DLGAP4: variants seen among roughly 807,000 people sequenced by gnomAD.
DLGAP4 encodes DLG associated protein 4.
A neutral mutation model predicts 86.9 loss-of-function variants in DLGAP4; 18 were observed. The observed-to-expected ratio is 0.21, with a 90% CI of 0.14 to 0.31. The LOEUF is 0.31. DLGAP4 is among the 10% of genes least tolerant of loss of function. The pLI is 1.00. For synonymous variants in DLGAP4, 548 were observed against 574.3 expected (o/e 0.95, Z 0.65); for missense variants, 1,085 against 1,362.6 (o/e 0.80, Z 3.21).
chr20:36,339,780 G>A (rs2065358721), intron 1 of DLGAP4, among the ~76,000 whole-genome samples: 1 of 152,220 alleles, frequency 6.6e-6, no homozygotes, highest in Non-Finnish European at 1.5e-5. Context: ...CATTTGAGGG[G>A]GACTGAGAAG....
At chr20:36,309,059 G>A (rs955410197) in intron 1 of DLGAP4, among the ~76,000 whole-genome samples, 135 of 151,312 alleles carry the variant, frequency 8.9e-4, no homozygotes, top group African/African-American at 3.1e-3. Flanking sequence ...AACAGGCCAC[G>A]TTCCCTCCAG....
intron 7 of DLGAP4, among the ~76,000 whole-genome samples, chr20:36,491,384 A>G (rs531270895): frequency 2.0e-5 from 3 of 152,294 alleles, no homozygotes; most frequent in Admixed American, 6.5e-5. Flanking sequence ...CGGAGGATGC[A>G]TCGCACAACT....
At chr20:36,365,926 C>T (rs2030671045) in intron 1 of DLGAP4, among the ~76,000 whole-genome samples, 2 of 152,168 alleles carry the variant, frequency 1.3e-5, no homozygotes. Context: ...TCTGTGTCCC[C>T]ACACCAGCTA....
chr20:36,455,852 A>G (rs898979947), intron 7 of DLGAP4, among the ~76,000 whole-genome samples: 1 of 151,880 alleles, frequency 6.6e-6, no homozygotes, highest in African/African-American at 2.4e-5. Flanking sequence ...CCTCCAGTCA[A>G]CCCTGTCCCC....
chr20:36,325,823 T>C (rs2065210834), intron 1 of DLGAP4, among the ~76,000 whole-genome samples: 1 of 151,992 alleles, frequency 6.6e-6, no homozygotes, highest in South Asian at 2.1e-4. Flanking sequence ...GTTCAAGCGA[T>C]TCTCTTGACT....
chr20:36,411,596 G>A (rs944203286), intron 2 of DLGAP4, among the ~76,000 whole-genome samples: 10 of 152,174 alleles, frequency 6.6e-5, no homozygotes, highest in Non-Finnish European at 1.0e-4. Flanking sequence ...AGGCAAGGCC[G>A]CTGGTAATTC....
chr20:36,484,305 G>A (rs1160309565), intron 7 of DLGAP4, among the ~76,000 whole-genome samples: 1 of 152,198 alleles, frequency 6.6e-6, no homozygotes, highest in African/African-American at 2.4e-5. Context: ...ACCCACTGAG[G>A]ACCTGCCGCC....
At chr20:36,341,394 CT>C (rs2065378450) in intron 1 of DLGAP4, among the ~76,000 whole-genome samples, 1 of 152,232 alleles carries the variant, frequency 6.6e-6, no homozygotes, top group Non-Finnish European at 1.5e-5. Context: ...CCTCATCTGT[CT>C]TGTTGACTGC....
intron 11 of DLGAP4, 55 bp downstream of exon 11, chr20:36,524,396 T>A: frequency 3.4e-6 from 5 of 1,485,392 alleles, no homozygotes; most frequent in Non-Finnish European, 4.6e-6. Flanking sequence ...GGCTGCCCAC[T>A]ATACTCTGCC....
chr20:36,426,290 A>T lies in DLGAP4; in HGVS notation c.-72-5356A>T, dbSNP rs183403914. On this transcript the variant is annotated intron_variant, in intron 2 of 12. Transcript: ENST00000339266. ...AGCACTTTGGGAGGCCAAGGCAGGC[A>T]TTTCACTTGAAGTCAAGAGTTCAAG... 7.0e-3 allele frequency among the ~76,000 whole-genome samples: 1,071 copies of T among 152,274 alleles called. 5 individuals are homozygous for T. Among genetic ancestry groups the T allele is most frequent in the Middle Eastern group, 0.027 (8 of 294 alleles).
chr20:36,461,671 C>G (rs1404848521), intron 7 of DLGAP4: 4 of 180,408 alleles, frequency 2.2e-5, no homozygotes, highest in Non-Finnish European at 2.9e-5. Flanking sequence ...CCGCCCGGCC[C>G]GGCCCGGCCC....
intron 1 of DLGAP4, among the ~76,000 whole-genome samples, chr20:36,348,531 G>T (rs566020964): frequency 2.0e-5 from 3 of 151,786 alleles, no homozygotes; most frequent in Admixed American, 1.3e-4. Context: ...CAATTCTCCC[G>T]CCTCAGCCTC....
At chr20:36,428,178 G>A (rs1050976829) in intron 2 of DLGAP4, among the ~76,000 whole-genome samples, 1 of 152,190 alleles carries the variant, frequency 6.6e-6, no homozygotes, top group Non-Finnish European at 1.5e-5. Context: ...CACCTTGCAA[G>A]AGGAGGGTTG....
At chr20:36,358,116 C>G (rs1460631242) in intron 1 of DLGAP4, among the ~76,000 whole-genome samples, 1 of 152,172 alleles carries the variant, frequency 6.6e-6, no homozygotes, top group Non-Finnish European at 1.5e-5. Context: ...GGCTGTGGCC[C>G]ATACTCACTG....
rs528212342 is a variant in DLGAP4, at chr20:36,467,131, G to C, written c.1648+20194G>C. Among the ~76,000 whole-genome samples, 5 of 149,636 alleles carry C rather than the reference G, an allele frequency of 3.3e-5. No individual in the cohort carries two copies. In the East Asian group the frequency reaches 1.0e-3, roughly 30 times the overall value. ...GGCTCTGAGAGGATGGGGATTAATA[G>C]ACAGACAAGGCGTCTCTGCCCTGAG... On this transcript the variant is annotated intron_variant, in intron 7 of 12. Transcript: ENST00000339266.
At chr20:36,388,630 C>G (rs1462183439) in intron 2 of DLGAP4, among the ~76,000 whole-genome samples, 1 of 152,164 alleles carries the variant, frequency 6.6e-6, no homozygotes, top group Non-Finnish European at 1.5e-5. Flanking sequence ...GCTCACTTAC[C>G]TATTAGCTGT....
chr20:36,385,137 A>G (rs535047047), intron 2 of DLGAP4, among the ~76,000 whole-genome samples: 7 of 152,116 alleles, frequency 4.6e-5, no homozygotes, highest in Non-Finnish European at 1.0e-4. Context: ...TCTCCTAGGA[A>G]TATGGCACCA....
chr20:36,513,571 A>G (rs1169018855), intron 10 of DLGAP4, among the ~76,000 whole-genome samples: 1 of 151,424 alleles, frequency 6.6e-6, no homozygotes, highest in Non-Finnish European at 1.5e-5. Context: ...AAAAAAAAAA[A>G]AAAAAAAAGA....
At chr20:36,513,289 C>G (rs1414470281) in intron 10 of DLGAP4, among the ~76,000 whole-genome samples, 2 of 151,786 alleles carry the variant, frequency 1.3e-5, no homozygotes, top group African/African-American at 2.4e-5. Context: ...TGGCTCACGC[C>G]TGTAATCCCA....
Sources: gnomAD v4.1 joint callset for allele counts (sites outside exome capture counted in the v4.1 genomes callset) on GRCh38, gnomAD v4.1.1 for gene constraint, MANE v1.5 for transcripts, NCBI Gene and HGNC (gene_info 2026-07-23, HGNC 2026-07-21) for gene names.